The following GTF3A variants were observed in gnomAD, a reference collection of about 807,000 sequenced individuals.
The protein encoded by GTF3A is general transcription factor IIIA, also known as transcription factor IIIA.
Under a neutral mutation model 37.6 loss-of-function variants are expected in GTF3A, and 40 were observed. The observed-to-expected ratio is 1.06, with a 90% CI of 0.83 to 1.38. The LOEUF is 1.38. GTF3A is among the 40% of genes most tolerant of loss of function. The probability of loss-of-function intolerance (pLI) is 0.00; values close to 1 mark genes in which losing one functional copy is unlikely to be tolerated. For missense variants in GTF3A, 500 were observed against 462.6 expected (o/e 1.08, Z -0.74); for synonymous variants, 191 against 166.7 (o/e 1.15, Z -1.12).
intron 1 of GTF3A, chr13:27,425,369 A>T (rs1218795): frequency 0.4 from 64,969 of 162,092 alleles, 14,308 homozygotes; most frequent in South Asian, 0.6. Context: ...AAAACAGGCA[A>T]ACCCAAGGTT....
intron 3 of GTF3A, among the ~76,000 whole-genome samples, chr13:27,430,323 G>A (rs911683784): frequency 1.3e-5 from 2 of 152,182 alleles, no homozygotes; most frequent in Non-Finnish European, 2.9e-5. Flanking sequence ...TGTATTGGGA[G>A]ACTATTCCAA....
chr13:27,432,440 A>G (rs993999459), intron 4 of GTF3A, among the ~76,000 whole-genome samples: 2 of 152,246 alleles, frequency 1.3e-5, no homozygotes, highest in Non-Finnish European at 2.9e-5. Flanking sequence ...AACCTCTTGA[A>G]CTATCTTTTT....
intron 4 of GTF3A, among the ~76,000 whole-genome samples, chr13:27,431,715 C>T (rs1268508671): frequency 7.9e-5 from 12 of 152,106 alleles, no homozygotes; most frequent in Non-Finnish European, 1.8e-4. Context: ...GCTAAAATCT[C>T]AGCACCACTA....
chr13:27,430,478 C>T, intron 3 of GTF3A, 55 bp from the exon 4 acceptor site: 2 of 1,067,318 alleles, frequency 1.9e-6, no homozygotes, highest in African/African-American at 1.6e-5. Flanking sequence ...CTGTTACGAA[C>T]TGTTCATTTT....
rs1005683789 is a variant in GTF3A, at chr13:27,432,796, C to T, written c.554C>T (p.Ala185Val). ...AGCAAGCTGAAACGACATGCCAAGG[C>T]CCACGAGGGTGTGTACGGATAGCCT... Residue 185 changes from alanine to valine, a missense_variant, in exon 5 of 9, where the codon GCC becomes GTC. Physicochemically the swap from Ala to Val is moderately conservative, Grantham distance 64. Transcript: ENST00000381140. 6.2e-7 allele frequency: 1 copy of T among 1,601,014 alleles called. No homozygotes were observed. The highest frequency in any genetic ancestry group is 1.3e-5 in the African/African-American group (1 of 74,728).
chr13:27,434,207 GA>G lies in GTF3A; in HGVS notation c.634del (p.Thr212ProfsTer25). 1 of 1,293,088 alleles carries G rather than the reference GA, an allele frequency of 7.7e-7. No individual in the cohort carries two copies. The highest frequency in any genetic ancestry group is 1.1e-6 in the Non-Finnish European group (1 of 886,834). The allele number at this position is 1,293,088 out of a possible 1,614,324, so 80.1% of individuals were successfully genotyped here. A position where few individuals can be genotyped will look rare whatever the true frequency, so the allele number is the denominator to read the frequency against. On this transcript the variant is annotated frameshift_variant, in exon 6 of 9. Coordinates refer to ENST00000381140, the MANE Select transcript of GTF3A (RefSeq NM_002097.3). LOFTEE classifies it high-confidence loss of function. The stretch of plus-strand genomic sequence containing the variant: ...GACGGAACTTCTGAAACATGTGAGA[GA>G]AACCCATAAAGGTAAGGCAGGCATG...
chr13:27,433,531 A>G (rs1025903141), intron 5 of GTF3A, among the ~76,000 whole-genome samples: 1 of 64,282 alleles, frequency 1.6e-5, no homozygotes, highest in Admixed American at 2.5e-4. Context: ...AAAAAACAAA[A>G]AAAAACTTTT....
At chr13:27,432,849 C>T in intron 5 of GTF3A, 45 bp downstream of exon 5, 1 of 1,477,292 alleles carries the variant, frequency 6.8e-7, no homozygotes, top group Non-Finnish European at 9.3e-7. Context: ...GATGCCAAAT[C>T]CTGGGCGCCT....
Position 27,430,594 on chromosome 13 carries a change from G to A in GTF3A, c.461G>A (p.Cys154Tyr). Residue 154 changes from cysteine (C) to tyrosine (Y), a missense_variant, in exon 4 of 9, where the codon TGC (cysteine) becomes TAC (tyrosine). Coordinates refer to ENST00000381140, the MANE Select transcript of GTF3A (RefSeq NM_002097.3). Reference sequence around the variant, plus strand: ...CATCAGCAGCTGAAAATCCATCAGTGCCAGCATACCAATGAACCTCTATTC... The same window carrying A: ...CATCAGCAGCTGAAAATCCATCAGTACCAGCATACCAATGAACCTCTATTC... 1.2e-6 allele frequency: 2 copies of A among 1,610,798 alleles called. No homozygotes were observed. The highest frequency in any genetic ancestry group is 1.7e-6 in the Non-Finnish European group (2 of 1,177,288).
In GTF3A at chr13:27,424,820, C is replaced by T; in HGVS notation, c.83C>T (p.Ala28Val). ...TTCATTGCAGCCGGCGAGAGCTCAG[C>T]TCCGACCCCGCCGCGCCCCGCGCTT... Residue 28 changes from alanine (A) to valine (V), a missense_variant, in exon 1 of 9, where the codon GCT becomes GTT. By Grantham distance (64) the Ala-to-Val change is moderately conservative. Transcript: ENST00000381140. 1 of 1,550,828 alleles carries T rather than the reference C, an allele frequency of 6.4e-7. No homozygotes were observed. The highest frequency in any genetic ancestry group is 8.7e-7 in the Non-Finnish European group (1 of 1,146,874).
At chr13:27,430,389 A>G in intron 3 of GTF3A, 144 bp from the exon 4 acceptor site, 2 of 575,588 alleles carry the variant, frequency 3.5e-6, no homozygotes, top group Non-Finnish European at 6.1e-6. Flanking sequence ...TTTTTGAGAT[A>G]AAGCAGAATT....
rs763957915 is a variant in GTF3A, at chr13:27,434,143, T to G, written c.567T>G (p.Tyr189Ter). ...ATGCACCAATTTTTTTAATAGGCTA[T>G]GTATGTCAAAAAGGATGTTCCTTTG... Residue 189 changes from tyrosine to a stop codon, truncating the protein, a stop_gained, in exon 6 of 9, where the codon TAT (tyrosine) becomes TAG (stop). Coordinates refer to ENST00000381140, the MANE Select transcript of GTF3A (RefSeq NM_002097.3). LOFTEE classifies it high-confidence loss of function. The G allele has an allele frequency of 1.7e-6, 2 of 1,200,598 alleles. No individual in the cohort carries two copies. Among genetic ancestry groups the G allele is most frequent in the East Asian group, 4.6e-5 (2 of 43,064 alleles). 74.4% of individuals were successfully genotyped at this position (1,200,598 alleles called of 1,614,324 possible).
intron 2 of GTF3A, among the ~76,000 whole-genome samples, chr13:27,427,523 C>T (rs1476835960): frequency 1.3e-5 from 2 of 152,022 alleles, no homozygotes; most frequent in African/African-American, 4.8e-5. Context: ...TAAAGTATAT[C>T]AACACAATGG....
In GTF3A at chr13:27,435,479, G is replaced by T; in HGVS notation, c.980G>T (p.Gly327Val). The T allele has an allele frequency of 6.2e-7, 1 of 1,613,290 alleles. No individual in the cohort carries two copies. The highest frequency in any genetic ancestry group is 8.5e-7 in the Non-Finnish European group (1 of 1,179,548). The change falls in exon 9 of 9, where the codon GGA becomes GTA. Residue 327 changes from glycine (G) to valine (V), a missense_variant. Transcript: ENST00000381140. ...CGGAGTTTGGCCTCTCATCTCAGTG[G>T]ATATATCCCTCCCAAAAGGAAACAA... is the stretch of plus-strand genomic sequence containing the variant.
At chr13:27,434,323 T>C in intron 6 of GTF3A, 104 bp downstream of exon 6, 1 of 728,618 alleles carries the variant, frequency 1.4e-6, no homozygotes, top group African/African-American at 1.7e-5. Flanking sequence ...AGTAAAAGGG[T>C]TTCTCTATGA....
At chr13:27,431,313 A>C (rs1953654989) in intron 4 of GTF3A, among the ~76,000 whole-genome samples, 1 of 152,228 alleles carries the variant, frequency 6.6e-6, no homozygotes, top group Admixed American at 6.5e-5. Context: ...AAAAGAAGTC[A>C]CTATATGAAA....
chr13:27,431,677 A>G lies in GTF3A; in HGVS notation c.489-1054A>G, dbSNP rs144452879. 5.6e-3 allele frequency among the ~76,000 whole-genome samples: 859 copies of G among 152,312 alleles called. 4 individuals are homozygous for G. Among genetic ancestry groups the G allele is most frequent in the Non-Finnish European group, 7.8e-3 (532 of 68,034 alleles). On this transcript the variant is annotated intron_variant, in intron 4 of 8. Transcript: ENST00000381140. ...AGGGATGAAAGACTACATATTGGGT[A>G]CAGTGTATGCTGCTTGAGTGATGGT...
chr13:27,424,932 G>C lies in GTF3A; in HGVS notation c.195G>C (p.Thr65=). 1 of 1,545,018 alleles carries C rather than the reference G, an allele frequency of 6.5e-7. No homozygotes were observed. The highest frequency in any genetic ancestry group is 8.7e-7 in the Non-Finnish European group (1 of 1,144,124). ...TTGACGCGCACCTGTGCAAGCACAC[G>C]GGGGAGGTGAGGGGGGCGAGGCTGC... is the stretch of plus-strand genomic sequence containing the variant. The change falls in exon 1 of 9, where the codon ACG becomes ACC. Residue 65 remains threonine (T), a synonymous_variant. Transcript: ENST00000381140.
At position 27,424,672 on chromosome 13, in the gene GTF3A, C is replaced by G. The variant is rs571068536; in HGVS notation, c.-66C>G. On this transcript the variant is annotated 5_prime_UTR_variant, in exon 1 of 9. Coordinates refer to ENST00000381140, the MANE Select transcript of GTF3A (RefSeq NM_002097.3). ...GCAGGGAGCCGTGGGCCGGGCGCGC[C>G]GGTTCCCGGCACGTGTCTCGGCACG... 3.8e-5 allele frequency: 46 copies of G among 1,213,392 alleles called. No individual in the cohort carries two copies. Among genetic ancestry groups the G allele is most frequent in the Admixed American group, 8.3e-5 (2 of 23,990 alleles). 75.2% of individuals were successfully genotyped at this position (1,213,392 alleles called of 1,614,324 possible).
Sources: gnomAD v4.1 joint callset for allele counts (sites outside exome capture counted in the v4.1 genomes callset) on GRCh38, gnomAD v4.1.1 for gene constraint, MANE v1.5 for transcripts, NCBI Gene and HGNC (gene_info 2026-07-23, HGNC 2026-07-21) for gene names.